Variants in LASP1 observed in about 807,000 individuals in gnomAD.
The protein encoded by LASP1 is LIM and SH3 protein 1, also known as LIM and SH3 domain protein 1.
In LASP1, 10 loss-of-function variants were observed where a neutral mutation model predicts 38.6. The observed-to-expected ratio is 0.26, with a 90% CI of 0.16 to 0.44. The LOEUF (loss-of-function observed/expected upper bound fraction) is 0.44, where lower values mean the gene tolerates loss of function less well. Among genes scored for constraint, LASP1 ranks in the 20% least tolerant of loss-of-function variants. LASP1 has a pLI of 1.00. For missense variants in LASP1, 243 were observed against 375.7 expected, an observed-to-expected ratio of 0.65 and a Z score of 2.92; for synonymous variants, 132 against 140.8, an observed-to-expected ratio of 0.94 and a Z score of 0.44.
At chr17:38,896,595 G>C (rs575787471) in intron 3 of LASP1, among the ~76,000 whole-genome samples, 2 of 152,264 alleles carry the variant, frequency 1.3e-5, no homozygotes, top group African/African-American at 4.8e-5. Context: ...AGCAGGGGAC[G>C]GAGTGGGGGA....
Position 38,919,718 on chromosome 17 carries a change from GA to G in LASP1, c.*942del. ...GGCCGCTCCTCCCTGCTCCTCATGGGAAGATGTCTCAGAGCCTTCCATGACC... is the reference window on the plus strand; with the variant it reads ...GGCCGCTCCTCCCTGCTCCTCATGGGAGATGTCTCAGAGCCTTCCATGACC... On this transcript the variant is annotated 3_prime_UTR_variant, in exon 7 of 7. Coordinates refer to ENST00000318008, the MANE Select transcript of LASP1 (RefSeq NM_006148.4). 2.6e-6 allele frequency: 1 copy of G among 385,942 alleles called. No individual in the cohort carries two copies. The highest frequency in any genetic ancestry group is 5.0e-6 in the Non-Finnish European group (1 of 201,340). 23.9% of individuals were successfully genotyped at this position (385,942 alleles called of 1,614,324 possible).
At chr17:38,896,521 C>G (rs1914495909) in intron 3 of LASP1, among the ~76,000 whole-genome samples, 2 of 152,230 alleles carry the variant, frequency 1.3e-5, no homozygotes, top group South Asian at 4.1e-4. Flanking sequence ...CTGCTGATGT[C>G]ATTGCAGCGT....
chr17:38,900,804 G>T (rs560949077), intron 4 of LASP1, among the ~76,000 whole-genome samples: 1 of 152,338 alleles, frequency 6.6e-6, no homozygotes, highest in South Asian at 2.1e-4. Flanking sequence ...GGGATGCCTA[G>T]GGCGGGCACT....
At chr17:38,890,380 C>G in intron 2 of LASP1, 40 bp from the exon 3 acceptor site, 1 of 1,556,278 alleles carries the variant, frequency 6.4e-7, no homozygotes, top group Non-Finnish European at 8.9e-7. Flanking sequence ...TCCTGCCCCT[C>G]CCCCAGAGTC....
chr17:38,918,995 T>C lies in LASP1; in HGVS notation c.*217T>C. On this transcript the variant is annotated 3_prime_UTR_variant, in exon 7 of 7. Transcript: ENST00000318008. The surrounding 1 kb of genome is among the most constrained non-coding windows in gnomAD (Gnocchi z 4.4). Reference sequence around the variant, plus strand: ...TTCCCCCTTGATCGACTTCTTGGTTTTCTCTCTGGATGGAACGGGCATGGG... The same window carrying C: ...TTCCCCCTTGATCGACTTCTTGGTTCTCTCTCTGGATGGAACGGGCATGGG... The C allele has an allele frequency of 1.7e-6, 1 of 604,176 alleles. No homozygotes were observed. The highest frequency in any genetic ancestry group is 2.0e-5 in the South Asian group (1 of 50,288). 37.4% of individuals were successfully genotyped at this position (604,176 alleles called of 1,614,324 possible). A position where few individuals can be genotyped will look rare whatever the true frequency, so the allele number is the denominator to read the frequency against.
At chr17:38,874,530 C>T (rs1913703936) in intron 1 of LASP1, among the ~76,000 whole-genome samples, 1 of 152,094 alleles carries the variant, frequency 6.6e-6, no homozygotes, top group Non-Finnish European at 1.5e-5. Context: ...AACCTTGGGG[C>T]CTTCCTCCAG....
intron 4 of LASP1, among the ~76,000 whole-genome samples, chr17:38,900,643 A>T (rs966916107): frequency 6.6e-6 from 1 of 152,166 alleles, no homozygotes; most frequent in Non-Finnish European, 1.5e-5. Context: ...ACTGCACTCC[A>T]GCCTGGCGAC....
intron 6 of LASP1, among the ~76,000 whole-genome samples, chr17:38,917,037 C>T (rs576237964): frequency 6.6e-5 from 10 of 151,986 alleles, no homozygotes; most frequent in South Asian, 6.2e-4. Context: ...GTGGGAGGTC[C>T]GATTATGCAG....
At position 38,919,414 on chromosome 17, in the gene LASP1, T is replaced by C. The variant is rs754780192; in HGVS notation, c.*636T>C. Reference sequence around the variant, plus strand: ...CCGCGCGTTCCTTCGCACACTGTGATTTTGCCCTCCTGCCCACGCAGACCT... The same window carrying C: ...CCGCGCGTTCCTTCGCACACTGTGACTTTGCCCTCCTGCCCACGCAGACCT... On this transcript the variant is annotated 3_prime_UTR_variant, in exon 7 of 7. Coordinates refer to ENST00000318008, the MANE Select transcript of LASP1 (RefSeq NM_006148.4). 21 of 240,364 alleles carry C rather than the reference T, an allele frequency of 8.7e-5. No individual in the cohort carries two copies. The highest frequency in any genetic ancestry group is 1.6e-4 in the Non-Finnish European group (19 of 121,748). The allele number at this position is 240,364 out of a possible 1,614,324, so 14.9% of individuals were successfully genotyped here. A position where few individuals can be genotyped will look rare whatever the true frequency, so the allele number is the denominator to read the frequency against.
At chr17:38,876,879 CT>C (rs1458764962) in intron 1 of LASP1, among the ~76,000 whole-genome samples, 2 of 151,570 alleles carry the variant, frequency 1.3e-5, no homozygotes, top group Non-Finnish European at 2.9e-5. Context: ...ATTTTTTTGT[CT>C]TTTTAGTAGA....
At chr17:38,887,093 G>T (rs1567697634) in intron 2 of LASP1, among the ~76,000 whole-genome samples, 1 of 152,132 alleles carries the variant, frequency 6.6e-6, no homozygotes, top group Non-Finnish European at 1.5e-5. Context: ...TTGCAGACCG[G>T]GTCTGGAGGA....
At chr17:38,872,334 G>T (rs1913634573) in intron 1 of LASP1, among the ~76,000 whole-genome samples, 1 of 152,148 alleles carries the variant, frequency 6.6e-6, no homozygotes, top group African/African-American at 2.4e-5. Context: ...GTGTACCCGA[G>T]GGGAGGGGAG....
At chr17:38,913,380 C>G (rs1425023868) in intron 4 of LASP1, among the ~76,000 whole-genome samples, 1 of 152,208 alleles carries the variant, frequency 6.6e-6, no homozygotes, top group African/African-American at 2.4e-5. Context: ...TCCCTAAAGG[C>G]TGGGATTCTC....
Position 38,918,576 on chromosome 17 carries a change from G to A in LASP1, c.613-29G>A, listed in dbSNP as rs1915200894. The A allele has an allele frequency of 6.4e-7, 1 of 1,564,498 alleles. No homozygotes were observed. The highest frequency in any genetic ancestry group is 1.8e-5 in the Admixed American group (1 of 56,688). ...AGACCCAGGTGAGCCGGCATGCAGG[G>A]CCCTAGGCTGACCACACTTCCCCCA... On this transcript the variant is annotated intron_variant, in intron 6 of 6. Transcript: ENST00000318008. This position sits in a 1 kb window ranked among gnomAD's most constrained non-coding sequence, Gnocchi z 4.4.
At position 38,918,742 on chromosome 17, in the gene LASP1, G is replaced by A. The variant is rs368636929; in HGVS notation, c.750G>A (p.Thr250=). 5.5e-5 allele frequency: 89 copies of A among 1,614,030 alleles called. 1 individual carries two copies. Among genetic ancestry groups the A allele is most frequent in the South Asian group, 9.9e-5 (9 of 91,080 alleles). Residue 250 remains threonine (T), a synonymous_variant, in exon 7 of 7, where the codon ACG becomes ACA. Coordinates refer to ENST00000318008, the MANE Select transcript of LASP1 (RefSeq NM_006148.4). The surrounding 1 kb of genome is among the most constrained non-coding windows in gnomAD (Gnocchi z 4.4). ...MYGTVERTGD[T]GMLPANYVEA... is the part of the protein sequence containing the mutation. ...GGACGGTGGAGCGCACCGGCGACAC[G>A]GGGATGCTGCCGGCCAACTACGTGG... is the stretch of plus-strand genomic sequence containing the variant.
At chr17:38,912,147 A>G (rs1914970770) in intron 4 of LASP1, among the ~76,000 whole-genome samples, 1 of 152,174 alleles carries the variant, frequency 6.6e-6, no homozygotes, top group African/African-American at 2.4e-5. Flanking sequence ...AACTACATAT[A>G]TCAGGCCTCA....
intron 4 of LASP1, among the ~76,000 whole-genome samples, chr17:38,899,606 G>T (rs1239499126): frequency 6.6e-6 from 1 of 152,144 alleles, no homozygotes; most frequent in African/African-American, 2.4e-5. Flanking sequence ...CCAAAATGGT[G>T]GCTTTCAAAC....
intron 3 of LASP1, among the ~76,000 whole-genome samples, chr17:38,896,372 G>A (rs1036425049): frequency 2.0e-5 from 3 of 152,168 alleles, no homozygotes; most frequent in South Asian, 4.1e-4. Flanking sequence ...CAGCAAGGTG[G>A]TGCTGATCCC....
Position 38,918,942 on chromosome 17 carries a change from C to T in LASP1, c.*164C>T, listed in dbSNP as rs1411412103. ...TGCCAACTGAAGCCTTCTTCTGCCACTTCTGCGGGCTCCCTCCTCTGGCAG... is the reference window on the plus strand; with the variant it reads ...TGCCAACTGAAGCCTTCTTCTGCCATTTCTGCGGGCTCCCTCCTCTGGCAG... On this transcript the variant is annotated 3_prime_UTR_variant, in exon 7 of 7. Transcript: ENST00000318008. The surrounding 1 kb of genome is among the most constrained non-coding windows in gnomAD (Gnocchi z 4.4). The T allele has an allele frequency of 1.3e-6, 1 of 742,140 alleles. No homozygotes were observed. The highest frequency in any genetic ancestry group is 2.8e-5 in the East Asian group (1 of 36,274). The allele number at this position is 742,140 out of a possible 1,614,324, so 46.0% of individuals were successfully genotyped here. A position where few individuals can be genotyped will look rare whatever the true frequency, so the allele number is the denominator to read the frequency against.
Sources: allele counts gnomAD v4.1 joint callset (sites outside exome capture counted in the v4.1 genomes callset), GRCh38; gene constraint gnomAD v4.1.1; non-coding constraint Gnocchi (gnomAD v3.1); transcripts MANE v1.5; gene names NCBI Gene and HGNC (gene_info 2026-07-23, HGNC 2026-07-21).